DAP: variants seen among roughly 807,000 people sequenced by gnomAD.
DAP encodes the protein death associated protein.
In DAP, 8 loss-of-function variants were observed where a neutral mutation model predicts 13.8. The observed-to-expected ratio is 0.58, with a 90% confidence interval of 0.34 to 1.05. DAP has a LOEUF of 1.05. DAP is among the 50% of genes least tolerant of loss of function. DAP has a pLI of 0.03. For missense variants in DAP, 106 were observed against 133.2 expected (o/e 0.80, Z 1.01); for synonymous variants, 47 against 47.5 (o/e 0.99, Z 0.04).
chr5:10,688,115 C>A (rs1358873774), intron 2 of DAP, among the ~76,000 whole-genome samples: 2 of 152,058 alleles, frequency 1.3e-5, no homozygotes, highest in African/African-American at 4.8e-5. Context: ...AGGGTTTTGT[C>A]ACGTTTGCCA....
At chr5:10,746,579 C>T (rs1351244224) in intron 2 of DAP, among the ~76,000 whole-genome samples, 1 of 152,174 alleles carries the variant, frequency 6.6e-6, no homozygotes, top group Non-Finnish European at 1.5e-5. Context: ...ATCCACCCAC[C>T]TCGGCCTCCC....
intron 1 of DAP, among the ~76,000 whole-genome samples, chr5:10,758,206 C>CTT (rs201315835): frequency 2.1e-5 from 3 of 142,276 alleles, no homozygotes; most frequent in African/African-American, 5.1e-5. Flanking sequence ...AGTGGGCCGC[C>CTT]TTTTTTTTTT....
At chr5:10,688,643 G>C (rs12513896) in intron 2 of DAP, among the ~76,000 whole-genome samples, 47,417 of 151,762 alleles carry the variant, frequency 0.31, 7,963 homozygotes, top group East Asian at 0.45. Context: ...ATTACTGTAC[G>C]TGTGTATTTA....
intron 2 of DAP, among the ~76,000 whole-genome samples, chr5:10,724,957 GCTT>G (rs1414224231): frequency 1.1e-4 from 17 of 152,152 alleles, no homozygotes; most frequent in Non-Finnish European, 1.5e-4. Context: ...GCTGACTTGA[GCTT>G]CTTCCTCCCC....
chr5:10,750,867 G>A (rs944917614), intron 1 of DAP, among the ~76,000 whole-genome samples: 4 of 152,166 alleles, frequency 2.6e-5, no homozygotes, highest in African/African-American at 9.7e-5. Flanking sequence ...CAACCCTCTG[G>A]GGAGATGCTA....
chr5:10,685,172 C>T (rs544420860), intron 2 of DAP, among the ~76,000 whole-genome samples: 25 of 53,622 alleles, frequency 4.7e-4, no homozygotes, highest in East Asian at 2.8e-3. Flanking sequence ...TGTTACTTCG[C>T]GACATTAAGA....
chr5:10,710,412 C>G (rs1433799492), intron 2 of DAP, among the ~76,000 whole-genome samples: 3 of 152,250 alleles, frequency 2.0e-5, no homozygotes, highest in Non-Finnish European at 4.4e-5. Flanking sequence ...GTTCACCCCA[C>G]TGCACTGAGA....
chr5:10,711,273 C>G (rs1738844863), intron 2 of DAP, among the ~76,000 whole-genome samples: 1 of 152,232 alleles, frequency 6.6e-6, no homozygotes, highest in African/African-American at 2.4e-5. Flanking sequence ...GAAGTCCGCT[C>G]ACCCGGGGTG....
At chr5:10,713,806 G>A (rs2918389) in intron 2 of DAP, among the ~76,000 whole-genome samples, 34,344 of 152,236 alleles carry the variant, frequency 0.23, 4,019 homozygotes, top group Middle Eastern at 0.35. Flanking sequence ...TGACAAAGGC[G>A]GGAACATGCA....
At chr5:10,695,168 G>C (rs1226749244) in intron 2 of DAP, among the ~76,000 whole-genome samples, 3 of 152,212 alleles carry the variant, frequency 2.0e-5, no homozygotes, top group Non-Finnish European at 1.5e-5. Flanking sequence ...TCATTCTTCA[G>C]AGTGTGACAG....
At chr5:10,732,094 G>T (rs1460192774) in intron 2 of DAP, among the ~76,000 whole-genome samples, 1 of 152,276 alleles carries the variant, frequency 6.6e-6, no homozygotes, top group Non-Finnish European at 1.5e-5. Context: ...TGTCACCACA[G>T]TGAGCTTCCG....
chr5:10,730,593 T>G (rs1436981370), intron 2 of DAP, among the ~76,000 whole-genome samples: 2 of 127,454 alleles, frequency 1.6e-5, no homozygotes, highest in African/African-American at 3.0e-5. Context: ...GGAATCTTTC[T>G]GTACTGAGAG....
At chr5:10,718,328 C>T (rs971447684) in intron 2 of DAP, among the ~76,000 whole-genome samples, 1 of 152,160 alleles carries the variant, frequency 6.6e-6, no homozygotes, top group Non-Finnish European at 1.5e-5. Flanking sequence ...TGTGGTCAAT[C>T]CCCCAGTGCC....
intron 2 of DAP, among the ~76,000 whole-genome samples, chr5:10,686,293 T>C (rs1009052799): frequency 3.3e-5 from 5 of 152,178 alleles, no homozygotes; most frequent in African/African-American, 1.2e-4. Flanking sequence ...AACTCTACAA[T>C]GGTCTATAAT....
chr5:10,697,011 A>T (rs1482050933), intron 2 of DAP, among the ~76,000 whole-genome samples: 1 of 152,212 alleles, frequency 6.6e-6, no homozygotes, highest in Non-Finnish European at 1.5e-5. Flanking sequence ...AACTTTTAGG[A>T]AGAATGTAGG....
chr5:10,734,366 T>A (rs1041673587), intron 2 of DAP: 1 of 152,230 alleles, frequency 6.6e-6, no homozygotes, highest in South Asian at 2.1e-4. Flanking sequence ...ACAAATACTG[T>A]CTCAAAGCCT....
intron 2 of DAP, among the ~76,000 whole-genome samples, chr5:10,719,604 T>C (rs1376315933): frequency 2.0e-5 from 3 of 152,220 alleles, no homozygotes; most frequent in Non-Finnish European, 4.4e-5. Context: ...CTGCCTACCA[T>C]GAACTGGGTG....
intron 2 of DAP, among the ~76,000 whole-genome samples, chr5:10,685,427 C>A (rs958076299): frequency 6.6e-6 from 1 of 152,190 alleles, no homozygotes; most frequent in Admixed American, 6.5e-5. Context: ...CTGATACCAT[C>A]CACAGGGGAG....
chr5:10,745,370 C>A (rs76833921), intron 2 of DAP, among the ~76,000 whole-genome samples: 2 of 152,210 alleles, frequency 1.3e-5, no homozygotes, highest in Non-Finnish European at 2.9e-5. Context: ...AGGAATGTAT[C>A]CTAGCAATTT....
Sources: allele counts gnomAD v4.1 joint callset (sites outside exome capture counted in the v4.1 genomes callset), GRCh38; gene constraint gnomAD v4.1.1; transcripts MANE v1.5; gene names NCBI Gene and HGNC (gene_info 2026-07-23, HGNC 2026-07-21).